Variants in HECTD4 observed in about 807,000 individuals in gnomAD.
HECTD4 encodes the protein probable E3 ubiquitin-protein ligase HECTD4.
In HECTD4, 114 loss-of-function variants were observed where a neutral mutation model predicts 471.5. That is an observed-to-expected ratio of 0.24 (90% CI 0.21 to 0.28). HECTD4 has a LOEUF of 0.28. Ranked by LOEUF, HECTD4 falls within the 10% of genes least tolerant of loss-of-function variation. The pLI, the probability that HECTD4 is intolerant of heterozygous loss-of-function variation, is 1.00. For missense variants in HECTD4, 3,866 were observed against 5,651.5 expected, an observed-to-expected ratio of 0.68 and a Z score of 10.13; for synonymous variants, 2,012 against 2,256.0, an observed-to-expected ratio of 0.89 and a Z score of 3.07.
At chr12:112,220,517 C>G (rs1031251644) in intron 44 of HECTD4, among the ~76,000 whole-genome samples, 1 of 152,090 alleles carries the variant, frequency 6.6e-6, no homozygotes, top group African/African-American at 2.4e-5. Flanking sequence ...CTTAAGAAAG[C>G]CAGGTGCGGT....
At chr12:112,272,964 A>G (rs1320816813) in intron 11 of HECTD4, among the ~76,000 whole-genome samples, 5 of 152,234 alleles carry the variant, frequency 3.3e-5, no homozygotes, top group Non-Finnish European at 7.3e-5. Flanking sequence ...AATTCTCTCA[A>G]TGCAGACTGA....
chr12:112,186,906 G>C (rs909052080), intron 60 of HECTD4, among the ~76,000 whole-genome samples: 3 of 151,930 alleles, frequency 2.0e-5, no homozygotes, highest in Non-Finnish European at 4.4e-5. Context: ...GGCCTCAAGT[G>C]GTCCGTGTGC....
At chr12:112,200,919 A>G in intron 54 of HECTD4, 121 bp from the exon 55 acceptor site, 1 of 842,966 alleles carries the variant, frequency 1.2e-6, no homozygotes. Context: ...GTGTATTTTC[A>G]GTCCAGGCTT....
chr12:112,312,151 C>T (rs2035386850), intron 4 of HECTD4, among the ~76,000 whole-genome samples: 1 of 152,252 alleles, frequency 6.6e-6, no homozygotes, highest in Non-Finnish European at 1.5e-5. Context: ...ACCTGATGAA[C>T]ACCAGTTTCT....
At position 112,173,880 on chromosome 12, in the gene HECTD4, C is replaced by T. The variant is rs2137011183; in HGVS notation, c.11595-1019G>A. 6.6e-6 allele frequency among the ~76,000 whole-genome samples: 1 copy of T among 152,040 alleles called. No individual in the cohort carries two copies. Among genetic ancestry groups the T allele is most frequent in the Admixed American group, 6.6e-5 (1 of 15,260 alleles). On this transcript the variant is annotated intron_variant, in intron 66 of 75. Coordinates refer to ENST00000682272, the MANE Select transcript of HECTD4 (RefSeq NM_001388303.1). This position sits in a 1 kb window ranked among gnomAD's most constrained non-coding sequence, Gnocchi z 4.3. Reference sequence around the variant, plus strand: ...TCAGGGACTGACTCTGAGCCTTCAACAATGGTACAAAAGGCTGGCACCAAG... The same window carrying T: ...TCAGGGACTGACTCTGAGCCTTCAATAATGGTACAAAAGGCTGGCACCAAG...
intron 64 of HECTD4, among the ~76,000 whole-genome samples, chr12:112,177,334 A>ATTAAAT (rs1293248228): frequency 2.1e-4 from 32 of 150,544 alleles, no homozygotes; most frequent in Non-Finnish European, 4.3e-4. Context: ...AGAATATTCT[A>ATTAAAT]TTAAATTTAT....
At chr12:112,364,373 C>T (rs2036517837) in intron 1 of HECTD4, among the ~76,000 whole-genome samples, 1 of 151,518 alleles carries the variant, frequency 6.6e-6, no homozygotes, top group South Asian at 2.1e-4. Context: ...CGCCACTGCA[C>T]TCCAGCCTGG....
chr12:112,204,717 T>A, intron 52 of HECTD4, 94 bp from the exon 53 acceptor site: 1 of 986,854 alleles, frequency 1.0e-6, no homozygotes, highest in Non-Finnish European at 1.5e-6. Flanking sequence ...GATAAGGGAA[T>A]CTTTCAAACA....
intron 7 of HECTD4, among the ~76,000 whole-genome samples, chr12:112,286,745 C>G (rs1321104063): frequency 6.6e-6 from 1 of 152,186 alleles, no homozygotes; most frequent in Admixed American, 6.5e-5. Context: ...ATTTAAAACC[C>G]TGCAGTGGTT....
Position 112,270,549 on chromosome 12 carries a change from G to A in HECTD4, c.1943-90C>T, listed in dbSNP as rs1206773987. ...CCTTTGACTTACAAAAGGTGTGTGC[G>A]CACTAGAAAAGGATATTTTGGCTAT... On this transcript the variant is annotated intron_variant, in intron 11 of 75. Coordinates refer to ENST00000682272, the MANE Select transcript of HECTD4 (RefSeq NM_001388303.1). 1.3e-5 allele frequency: 13 copies of A among 1,035,268 alleles called. No individual in the cohort carries two copies. In the Admixed American group the frequency reaches 1.4e-4, roughly 11 times the overall value. 64.1% of individuals were successfully genotyped at this position (1,035,268 alleles called of 1,614,324 possible). A position where few individuals can be genotyped will look rare whatever the true frequency, so the allele number is the denominator to read the frequency against.
rs550170836 is a variant in HECTD4, at chr12:112,277,870, T to A, written c.1687+1358A>T. Among the ~76,000 whole-genome samples, 51 of 152,326 alleles carry A rather than the reference T, an allele frequency of 3.3e-4. No individual in the cohort carries two copies. The East Asian group carries it at 8.5e-3, about 25-fold the overall frequency. On this transcript the variant is annotated intron_variant, in intron 9 of 75. Coordinates refer to ENST00000682272, the MANE Select transcript of HECTD4 (RefSeq NM_001388303.1). ...GGTATAATCATCTGCACATTTTTTT[T>A]AATGGGAAAGTTGAGGCTTTGAATG...
intron 1 of HECTD4, among the ~76,000 whole-genome samples, chr12:112,345,008 C>G (rs759198096): frequency 6.6e-6 from 1 of 152,026 alleles, no homozygotes; most frequent in Non-Finnish European, 1.5e-5. Context: ...TGTCCCAGCA[C>G]TTTGGGAGGC....
At position 112,366,812 on chromosome 12, in the gene HECTD4, G is replaced by A. The variant is rs113031862; in HGVS notation, c.177+15140C>T. On this transcript the variant is annotated intron_variant, in intron 1 of 75. Transcript: ENST00000682272. ...GGAGAATCGCTTGAACCCAGGAGGC[G>A]GAGGTTGCAGTGAGCTGAGATCGCG... is the stretch of plus-strand genomic sequence containing the variant. Among the ~76,000 whole-genome samples the A allele has an allele frequency of 3.3e-5, 5 of 150,534 alleles. No homozygotes were observed. The South Asian group carries it at 6.3e-4, about 19-fold the overall frequency.
chr12:112,235,852 G>T lies in HECTD4; in HGVS notation c.5445-68C>A. ...GATCTATAGACATTCAGAAGCAAGA[G>T]TTCTCTGAATGAAACAAACCAATGA... On this transcript the variant is annotated intron_variant, in intron 35 of 75. Transcript: ENST00000682272. The surrounding 1 kb of genome is among the most constrained non-coding windows in gnomAD (Gnocchi z 5.0). The T allele has an allele frequency of 7.5e-7, 1 of 1,333,804 alleles. No homozygotes were observed. The highest frequency in any genetic ancestry group is 1.0e-6 in the Non-Finnish European group (1 of 978,964). 82.6% of individuals were successfully genotyped at this position (1,333,804 alleles called of 1,614,324 possible).
At position 112,162,699 on chromosome 12, in the gene HECTD4, A is replaced by G. The variant is rs1019651644; in HGVS notation, c.13121-176T>C. 16 of 687,488 alleles carry G rather than the reference A, an allele frequency of 2.3e-5. No homozygotes were observed. Among genetic ancestry groups the G allele is most frequent in the Non-Finnish European group, 3.6e-5 (15 of 412,662 alleles). 42.6% of individuals were successfully genotyped at this position (687,488 alleles called of 1,614,324 possible). A position where few individuals can be genotyped will look rare whatever the true frequency, so the allele number is the denominator to read the frequency against. ...CCTGCGAGATGTTCTTGGAGGGAAA[A>G]GGGGAGAGAGCTGCTGGACAGCGCA... is the stretch of plus-strand genomic sequence containing the variant. On this transcript the variant is annotated intron_variant, in intron 75 of 75. Transcript: ENST00000682272. The surrounding 1 kb of genome is among the most constrained non-coding windows in gnomAD (Gnocchi z 5.2).
intron 59 of HECTD4, 40 bp from the exon 60 acceptor site, chr12:112,191,005 C>T: frequency 6.7e-7 from 1 of 1,500,384 alleles, no homozygotes; most frequent in Admixed American, 2.1e-5. Context: ...TGATTGGCAG[C>T]ACCTGACCCA....
Position 112,169,100 on chromosome 12 carries a change from G to A in HECTD4, c.12208+403C>T, listed in dbSNP as rs1330101321. 2.0e-5 allele frequency among the ~76,000 whole-genome samples: 3 copies of A among 152,178 alleles called. No homozygotes were observed. In the East Asian group the frequency reaches 5.8e-4, roughly 29 times the overall value. ...GGGGCTAAGCATAAGAGGTCACAAG[G>A]GAGCACTTGCTCAGCTGCCAGTCCT... On this transcript the variant is annotated intron_variant, in intron 70 of 75. Coordinates refer to ENST00000682272, the MANE Select transcript of HECTD4 (RefSeq NM_001388303.1).
chr12:112,378,902 T>C (rs1240070517), intron 1 of HECTD4, among the ~76,000 whole-genome samples: 4 of 151,956 alleles, frequency 2.6e-5, no homozygotes, highest in Non-Finnish European at 5.9e-5. Context: ...ATTAGCTGGG[T>C]GTGGCGGCAT....
chr12:112,177,540 C>T (rs148561344), intron 64 of HECTD4, among the ~76,000 whole-genome samples: 1,531 of 152,258 alleles, frequency 0.01, 26 homozygotes, highest in African/African-American at 0.035. Flanking sequence ...CCACCACGCC[C>T]GGCTAATTTT....
Sources: gnomAD v4.1 joint callset for allele counts (sites outside exome capture counted in the v4.1 genomes callset) on GRCh38, gnomAD v4.1.1 for gene constraint, Gnocchi (gnomAD v3.1) non-coding constraint, MANE v1.5 for transcripts, NCBI Gene and HGNC (gene_info 2026-07-23, HGNC 2026-07-21) for gene names.